SLC37A1: variants seen among roughly 807,000 people sequenced by gnomAD.
SLC37A1 encodes the protein glucose-6-phosphate exchanger SLC37A1.
SLC37A1 carries 49 observed loss-of-function variants against 75.3 expected under a neutral mutation model. The ratio of observed to expected loss-of-function variants is 0.65; its 90% CI spans 0.52 to 0.83. The LOEUF is 0.83. SLC37A1 is among the 40% of genes least tolerant of loss of function. The pLI is 0.00. For missense variants in SLC37A1, 566 were observed against 695.0 expected, an observed-to-expected ratio of 0.81 and a Z score of 2.09; for synonymous variants, 268 against 292.1, an observed-to-expected ratio of 0.92 and a Z score of 0.84.
chr21:42,568,543 T>C, intron 17 of SLC37A1, 105 bp downstream of exon 17: 2 of 1,115,450 alleles, frequency 1.8e-6, no homozygotes, highest in East Asian at 5.2e-5. Flanking sequence ...TCTATAACAT[T>C]GGGTGGGCCG....
upstream of SLC37A1, among the ~76,000 whole-genome samples, chr21:42,510,262 A>G (rs796807546): frequency 2.8e-4 from 42 of 152,268 alleles, no homozygotes; most frequent in African/African-American, 9.9e-4. Context: ...TCCTGACTGC[A>G]TGATCTGCCC....
chr21:42,528,597 G>A (rs1417906785), intron 3 of SLC37A1, among the ~76,000 whole-genome samples: 1 of 152,028 alleles, frequency 6.6e-6, no homozygotes, highest in African/African-American at 2.4e-5. Flanking sequence ...AGGCCGAGGT[G>A]GGCGGATCAC....
intron 1 of SLC37A1, among the ~76,000 whole-genome samples, chr21:42,502,075 A>G (rs2054346700): frequency 6.6e-6 from 1 of 152,228 alleles, no homozygotes. Flanking sequence ...GTGCTATAGA[A>G]ATGTAACGTG....
At chr21:42,560,907 G>T (rs78830409) in intron 11 of SLC37A1, among the ~76,000 whole-genome samples, 1 of 152,040 alleles carries the variant, frequency 6.6e-6, no homozygotes, top group African/African-American at 2.4e-5. Flanking sequence ...CAGAGGTCCC[G>T]CTCAAGCCTC....
intron 18 of SLC37A1, chr21:42,575,413 G>A (rs1406618304): frequency 1.0e-6 from 1 of 985,452 alleles, no homozygotes; most frequent in Non-Finnish European, 1.2e-6. Context: ...CTGAAGGGAT[G>A]GGAGAGAATA....
At chr21:42,572,766 C>T (rs1268781390) in intron 17 of SLC37A1, among the ~76,000 whole-genome samples, 1 of 145,172 alleles carries the variant, frequency 6.9e-6, no homozygotes, top group Non-Finnish European at 1.5e-5. Context: ...TCTGTTGGCT[C>T]TCTGTGGGTG....
At chr21:42,519,175 G>A (rs570529451) in intron 2 of SLC37A1, among the ~76,000 whole-genome samples, 1 of 152,308 alleles carries the variant, frequency 6.6e-6, no homozygotes, top group African/African-American at 2.4e-5. Context: ...AGACAGACTA[G>A]CAAGAGAAAA....
intron 5 of SLC37A1, among the ~76,000 whole-genome samples, chr21:42,537,905 C>T (rs117571280): frequency 2.6e-5 from 4 of 152,046 alleles, no homozygotes; most frequent in Non-Finnish European, 4.4e-5. Context: ...CTGTTTTGTT[C>T]GCTATGTCAG....
At position 42,541,133 on chromosome 21, in the gene SLC37A1, C is replaced by T. The variant is rs116265425; in HGVS notation, c.487-1271C>T. Among the ~76,000 whole-genome samples, 1,487 of 152,250 alleles carry T rather than the reference C, an allele frequency of 9.8e-3. 20 individuals are homozygous for T. The highest frequency in any genetic ancestry group is 0.034 in the African/African-American group (1,422 of 41,538). On this transcript the variant is annotated intron_variant, in intron 6 of 19. Coordinates refer to ENST00000352133, the MANE Select transcript of SLC37A1 (RefSeq NM_001320537.2). ...TCAGGCATTCGATTCTCATAAGGAG[C>T]GCACAACCTGGATCCCTCACATGTG...
At chr21:42,542,326 A>G in intron 6 of SLC37A1, 78 bp from the exon 7 acceptor site, 5 of 1,308,750 alleles carry the variant, frequency 3.8e-6, no homozygotes, top group Non-Finnish European at 5.4e-6. Context: ...TAAGTGGAGC[A>G]AGCTCTGTGC....
chr21:42,504,895 A>T (rs1163923879), intron 2 of SLC37A1, among the ~76,000 whole-genome samples: 1 of 152,176 alleles, frequency 6.6e-6, no homozygotes, highest in Non-Finnish European at 1.5e-5. Context: ...TCTGAACATC[A>T]TCAATGTCAG....
At chr21:42,573,608 T>TA (rs998521320) in intron 17 of SLC37A1, among the ~76,000 whole-genome samples, 79 of 146,990 alleles carry the variant, frequency 5.4e-4, no homozygotes, top group Non-Finnish European at 7.2e-4. Context: ...TTCTGAGAAT[T>TA]AAAAAAAAAA....
rs1555882111 is a variant in SLC37A1, at chr21:42,530,654, A to AC, written c.139-4039dup. 1.4e-3 allele frequency among the ~76,000 whole-genome samples: 51 copies of AC among 35,894 alleles called. 2 individuals carry two copies. Among genetic ancestry groups the AC allele is most frequent in the Middle Eastern group, 9.6e-3 (1 of 104 alleles). The allele number at this position is 35,894 out of a possible 152,430, so 23.5% of individuals were successfully genotyped here. Reference sequence around the variant, plus strand: ...CACACACACACACACACACACACACACCCCCTCTGTGTTGGCTGAAGGTGG... The same window carrying AC: ...CACACACACACACACACACACACACACCCCCCTCTGTGTTGGCTGAAGGTGG... On this transcript the variant is annotated intron_variant, in intron 3 of 19. Transcript: ENST00000352133.
chr21:42,547,514 G>A lies in SLC37A1; in HGVS notation c.768+374G>A, dbSNP rs74627812. ...CCATCACTTAAGTTGGTGGCTGCAC[G>A]TCTCAGGTGGCCGAGAGGTCTGCCC... On this transcript the variant is annotated intron_variant, in intron 9 of 19. Transcript: ENST00000352133. The surrounding 1 kb of genome is among the most constrained non-coding windows in gnomAD (Gnocchi z 6.1). 2,519 of 228,120 alleles carry A rather than the reference G, an allele frequency of 0.011. 60 individuals carry two copies. The highest frequency in any genetic ancestry group is 0.053 in the African/African-American group (2,339 of 43,946). The allele number at this position is 228,120 out of a possible 1,614,324, so 14.1% of individuals were successfully genotyped here.
Position 42,525,812 on chromosome 21 carries a change from G to C in SLC37A1, c.93G>C (p.Leu31=), listed in dbSNP as rs781388518. The C allele has an allele frequency of 6.2e-7, 1 of 1,614,032 alleles. No homozygotes were observed. The highest frequency in any genetic ancestry group is 8.5e-7 in the Non-Finnish European group (1 of 1,179,994). The change falls in exon 3 of 20, where the codon CTG becomes CTC. Residue 31 remains leucine (L), a synonymous_variant. Transcript: ENST00000352133. ...TCATTTTTATTTTGACATTTCTGCT[G>C]TATGCAAGTTTTCACTTATCTCGAA... The part of the protein sequence containing the change: ...RAFIFILTFL[L]YASFHLSRKP...
chr21:42,526,088 A>T, intron 3 of SLC37A1: 1 of 452,478 alleles, frequency 2.2e-6, no homozygotes, highest in Non-Finnish European at 3.9e-6. Context: ...TTATTAGTTG[A>T]CATTTCCAGA....
chr21:42,532,694 C>T (rs528687104), intron 3 of SLC37A1, among the ~76,000 whole-genome samples: 5 of 152,254 alleles, frequency 3.3e-5, no homozygotes, highest in African/African-American at 7.2e-5. Context: ...CAGCCCCTCA[C>T]GTCCACCTTG....
chr21:42,508,540 A>T (rs1052927242), intron 2 of SLC37A1: 5 of 152,156 alleles, frequency 3.3e-5, no homozygotes, highest in African/African-American at 1.2e-4. Flanking sequence ...TCAGTTTCCT[A>T]TTTCCACATA....
chr21:42,543,742 AGGGAGACTTCCCC>A, intron 8 of SLC37A1, 140 bp downstream of exon 8: 1 of 789,738 alleles, frequency 1.3e-6, no homozygotes, highest in Non-Finnish European at 1.9e-6. Context: ...TCTTCTTACC[AGGGAGACTTCCCC>A]GGGGAGCCGG....
Sources: gnomAD v4.1 joint callset for allele counts (sites outside exome capture counted in the v4.1 genomes callset) on GRCh38, gnomAD v4.1.1 for gene constraint, Gnocchi (gnomAD v3.1) non-coding constraint, MANE v1.5 for transcripts, NCBI Gene and HGNC (gene_info 2026-07-23, HGNC 2026-07-21) for gene names.